The following GLG1 variants were observed in gnomAD, a reference collection of about 807,000 sequenced individuals.
GLG1 encodes the protein golgi glycoprotein 1, also known as Golgi apparatus protein 1.
In GLG1, 38 loss-of-function variants were observed where a neutral mutation model predicts 160.5. The observed-to-expected ratio is 0.24, with a 90% CI of 0.18 to 0.31. The LOEUF (loss-of-function observed/expected upper bound fraction) is 0.31, where lower values mean the gene tolerates loss of function less well. Among genes scored for constraint, GLG1 ranks in the 10% least tolerant of loss-of-function variants. The pLI, the probability that GLG1 is intolerant of heterozygous loss-of-function variation, is 1.00. For synonymous variants in GLG1, 644 were observed against 543.4 expected (o/e 1.19, Z -2.57); for missense variants, 1,373 against 1,505.2 (o/e 0.91, Z 1.45).
chr16:74,504,632 T>A (rs191527621), intron 3 of GLG1, among the ~76,000 whole-genome samples: 1 of 152,348 alleles, frequency 6.6e-6, no homozygotes. Context: ...AACTATGGAT[T>A]GAACATGTGT....
At chr16:74,523,909 G>C (rs182977434) in intron 2 of GLG1, among the ~76,000 whole-genome samples, 1 of 151,882 alleles carries the variant, frequency 6.6e-6, no homozygotes, top group East Asian at 1.9e-4. Context: ...TGCTGATAGT[G>C]CATTTTAAAA....
chr16:74,551,164 C>A lies in GLG1; in HGVS notation c.439-19011G>T, dbSNP rs1247407554. ...TGAGCTTCCTTGTCTCAGTGCTAGC[C>A]TTTCCCGTAAGTCTGCTTCTTTTTC... On this transcript the variant is annotated intron_variant, in intron 1 of 25. Transcript: ENST00000422840. 2.0e-5 allele frequency among the ~76,000 whole-genome samples: 3 copies of A among 152,146 alleles called. No homozygotes were observed. The South Asian group carries it at 6.2e-4, about 32-fold the overall frequency.
At chr16:74,594,552 A>T (rs1236595342) in intron 1 of GLG1, among the ~76,000 whole-genome samples, 1 of 152,180 alleles carries the variant, frequency 6.6e-6, no homozygotes, top group Non-Finnish European at 1.5e-5. Flanking sequence ...AGTTCTGAGG[A>T]CCATCACTTA....
chr16:74,463,599 G>C (rs2014885699), intron 19 of GLG1, 120 bp from the exon 20 acceptor site: 1 of 931,446 alleles, frequency 1.1e-6, no homozygotes, highest in African/African-American at 1.6e-5. Flanking sequence ...GAGTGCAGTG[G>C]CGCAATTCGG....
At chr16:74,571,897 G>A (rs1052479438) in intron 1 of GLG1, among the ~76,000 whole-genome samples, 4 of 152,180 alleles carry the variant, frequency 2.6e-5, no homozygotes, top group African/African-American at 9.7e-5. Context: ...GGGGTGGTGT[G>A]TTCCCAGCAT....
intron 2 of GLG1, among the ~76,000 whole-genome samples, chr16:74,513,414 G>A (rs975878576): frequency 1.3e-5 from 2 of 152,060 alleles, no homozygotes; most frequent in Admixed American, 6.6e-5. Flanking sequence ...CATACAGGCA[G>A]GTGCCCCTCT....
intron 1 of GLG1, 145 bp downstream of exon 1, chr16:74,606,512 G>A (rs905487848): frequency 1.6e-6 from 1 of 616,202 alleles, no homozygotes. Flanking sequence ...AAAGCGCCTG[G>A]GAGTGAGGAG....
intron 15 of GLG1, among the ~76,000 whole-genome samples, chr16:74,470,325 CT>C (rs1234494289): frequency 6.1e-5 from 9 of 147,104 alleles, no homozygotes; most frequent in South Asian, 2.2e-4. Flanking sequence ...TCCTTCCTTC[CT>C]TTCCTTCTTT....
intron 1 of GLG1, among the ~76,000 whole-genome samples, chr16:74,572,527 C>A (rs141243383): frequency 0.012 from 1,546 of 127,340 alleles, 23 homozygotes; most frequent in African/African-American, 0.034. Context: ...AAAAAACAAA[C>A]AAAAAAAAAA....
intron 1 of GLG1, among the ~76,000 whole-genome samples, chr16:74,536,029 G>C (rs1483937111): frequency 6.6e-6 from 1 of 152,146 alleles, no homozygotes; most frequent in East Asian, 1.9e-4. Context: ...AAATGAACTC[G>C]AGAAAGTAAA....
chr16:74,561,539 C>T (rs2018514417), intron 1 of GLG1, among the ~76,000 whole-genome samples: 1 of 152,108 alleles, frequency 6.6e-6, no homozygotes, highest in Admixed American at 6.5e-5. Context: ...TATAAAACTG[C>T]TAACCCAAGC....
chr16:74,539,549 G>A (rs2017776224), intron 1 of GLG1, among the ~76,000 whole-genome samples: 1 of 147,948 alleles, frequency 6.8e-6, no homozygotes. Context: ...ATGACTCAGA[G>A]AGCATACTTA....
intron 1 of GLG1, among the ~76,000 whole-genome samples, chr16:74,542,726 GAA>G (rs1242961311): frequency 9.3e-6 from 1 of 107,768 alleles, no homozygotes; most frequent in African/African-American, 3.7e-5. Context: ...GGGAAGGAAG[GAA>G]GGAAGGGAGG....
At chr16:74,530,261 T>G (rs1182051340) in intron 2 of GLG1, among the ~76,000 whole-genome samples, 1 of 152,218 alleles carries the variant, frequency 6.6e-6, no homozygotes, top group African/African-American at 2.4e-5. Context: ...CTATCCATTC[T>G]TTTAACTATC....
At chr16:74,524,741 AGAATTTAC>A (rs2017284130) in intron 2 of GLG1, among the ~76,000 whole-genome samples, 1 of 152,224 alleles carries the variant, frequency 6.6e-6, no homozygotes. Flanking sequence ...CTGTTGAGAT[AGAATTTAC>A]ATTGTAAAAT....
Position 74,478,938 on chromosome 16 carries a change from G to A in GLG1, c.1827+1303C>T, listed in dbSNP as rs544916505. ...GGGGTTATTTTGGCCAGGCGCAGTG[G>A]CTCACACCTCTAATCCCAGCACTTT... On this transcript the variant is annotated intron_variant, in intron 11 of 25. Coordinates refer to ENST00000422840, the MANE Select transcript of GLG1 (RefSeq NM_001145667.2). Among the ~76,000 whole-genome samples, 8 of 143,646 alleles carry A rather than the reference G, an allele frequency of 5.6e-5. No individual in the cohort carries two copies. The East Asian group carries it at 1.7e-3, about 30-fold the overall frequency. The allele number at this position is 143,646 out of a possible 152,430, so 94.2% of individuals were successfully genotyped here. A position where few individuals can be genotyped will look rare whatever the true frequency, so the allele number is the denominator to read the frequency against.
chr16:74,461,169 T>A (rs923709495), intron 22 of GLG1, among the ~76,000 whole-genome samples: 3 of 140,310 alleles, frequency 2.1e-5, no homozygotes, highest in Admixed American at 7.1e-5. Context: ...ATAGAATTAC[T>A]TTTTTTTTTT....
rs1165156595 is a variant in GLG1 at position 74,452,994 on chromosome 16, G to C, written c.*173C>G. On this transcript the variant is annotated 3_prime_UTR_variant, in exon 26 of 26. Coordinates refer to ENST00000422840, the MANE Select transcript of GLG1 (RefSeq NM_001145667.2). The stretch of plus-strand genomic sequence containing the variant: ...GCTGCTGCACGGTGAGGAGGAGGAG[G>C]ACACCATGGACACGAGTGGAGGCTG... 7.5e-7 allele frequency: 1 copy of C among 1,337,646 alleles called. No individual in the cohort carries two copies. The highest frequency in any genetic ancestry group is 9.6e-7 in the Non-Finnish European group (1 of 1,043,826). The allele number at this position is 1,337,646 out of a possible 1,614,324, so 82.9% of individuals were successfully genotyped here.
intron 4 of GLG1, among the ~76,000 whole-genome samples, chr16:74,499,512 A>G (rs546009591): frequency 6.6e-6 from 1 of 152,328 alleles, no homozygotes; most frequent in East Asian, 1.9e-4. Flanking sequence ...GCATAGCCAC[A>G]TGCTGTACAG....
Sources: allele counts gnomAD v4.1 joint callset (sites outside exome capture counted in the v4.1 genomes callset), GRCh38; gene constraint gnomAD v4.1.1; transcripts MANE v1.5; gene names NCBI Gene and HGNC (gene_info 2026-07-23, HGNC 2026-07-21).